Variants in EPC2 observed in about 807,000 individuals in gnomAD.
EPC2 encodes enhancer of polycomb homolog 2.
A neutral mutation model predicts 92.1 loss-of-function variants in EPC2; 14 were observed. The observed-to-expected ratio is 0.15, with a 90% CI of 0.10 to 0.24. The LOEUF is 0.24. EPC2 is among the 10% of genes least tolerant of loss of function. The pLI is 1.00. For synonymous variants in EPC2, 340 were observed against 334.7 expected, an observed-to-expected ratio of 1.02 and a Z score of -0.17; for missense variants, 755 against 971.5, an observed-to-expected ratio of 0.78 and a Z score of 2.96.
rs969387388 is a variant in EPC2, at chr2:148,734,152, C to T, written c.314-9470C>T. On this transcript the variant is annotated intron_variant, in intron 2 of 13. Coordinates refer to ENST00000258484, the MANE Select transcript of EPC2 (RefSeq NM_015630.4). ...TCACAGAATAATAGAAAAAATTATT[C>T]CTACATGTAACCATGGTTGGATACA... Among the ~76,000 whole-genome samples the T allele has an allele frequency of 3.9e-5, 6 of 152,044 alleles. No homozygotes were observed. In the South Asian group the frequency reaches 1.2e-3, roughly 32 times the overall value.
intron 1 of EPC2, among the ~76,000 whole-genome samples, chr2:148,652,773 G>A (rs1680714118): frequency 6.6e-6 from 1 of 152,162 alleles, no homozygotes; most frequent in African/African-American, 2.4e-5. Context: ...GTTCTTTTAT[G>A]AGGATCGATT....
At chr2:148,706,206 C>A (rs558792131) in intron 2 of EPC2, among the ~76,000 whole-genome samples, 49 of 152,224 alleles carry the variant, frequency 3.2e-4, no homozygotes, top group African/African-American at 1.2e-3. Context: ...GTGATGCATT[C>A]ATAAGCTTCA....
intron 1 of EPC2, among the ~76,000 whole-genome samples, chr2:148,680,467 C>A (rs1348005221): frequency 1.3e-5 from 2 of 152,126 alleles, no homozygotes; most frequent in African/African-American, 4.8e-5. Context: ...TTAATTCATG[C>A]ATTGTAGCAT....
Position 148,743,629 on chromosome 2 carries a change from T to C in EPC2, c.321T>C (p.Asn107=). 1 of 1,566,594 alleles carries C rather than the reference T, an allele frequency of 6.4e-7. No homozygotes were observed. The highest frequency in any genetic ancestry group is 8.6e-7 in the Non-Finnish European group (1 of 1,162,622). ...PKQFIHIQPF[N]LDNEQPDYDM... ...TTTTTCTTTCTTTTCTAGCTTTTAATCTAGACAACGAGCAACCAGATTATG... is the reference window on the plus strand; with the variant it reads ...TTTTTCTTTCTTTTCTAGCTTTTAACCTAGACAACGAGCAACCAGATTATG... Residue 107 remains asparagine, a synonymous_variant, in exon 3 of 14, where the codon AAT becomes AAC. Coordinates refer to ENST00000258484, the MANE Select transcript of EPC2 (RefSeq NM_015630.4).
intron 1 of EPC2, among the ~76,000 whole-genome samples, chr2:148,658,193 C>A (rs1354372689): frequency 6.6e-6 from 1 of 152,040 alleles, no homozygotes; most frequent in African/African-American, 2.4e-5. Context: ...GAACTCACAG[C>A]CGGCAGCATT....
chr2:148,738,351 TG>T (rs1682810052), intron 2 of EPC2, among the ~76,000 whole-genome samples: 2 of 152,212 alleles, frequency 1.3e-5, no homozygotes, highest in African/African-American at 4.8e-5. Context: ...CTGTCAAACA[TG>T]GCTGAGGAGA....
chr2:148,655,508 T>C (rs17838525), intron 1 of EPC2, among the ~76,000 whole-genome samples: 21,363 of 152,266 alleles, frequency 0.14, 2,442 homozygotes, highest in East Asian at 0.46. Flanking sequence ...TAATGATAAA[T>C]ATAAACGGTA....
chr2:148,680,075 C>A (rs1333922645), intron 1 of EPC2, among the ~76,000 whole-genome samples: 1 of 148,824 alleles, frequency 6.7e-6, no homozygotes, highest in Non-Finnish European at 1.5e-5. Flanking sequence ...ACTGGAAGCC[C>A]TTTTCTCAAG....
intron 1 of EPC2, among the ~76,000 whole-genome samples, chr2:148,649,924 C>G (rs181393053): frequency 2.6e-4 from 40 of 152,208 alleles, no homozygotes; most frequent in Non-Finnish European, 4.4e-4. Flanking sequence ...TTAATTTGGT[C>G]TGACTTTTGC....
Position 148,702,823 on chromosome 2 carries a change from A to AT in EPC2, c.313+12462dup, listed in dbSNP as rs11365316. Among the ~76,000 whole-genome samples, 866 of 148,008 alleles carry AT rather than the reference A, an allele frequency of 5.9e-3. 8 individuals are homozygous for AT. The highest frequency in any genetic ancestry group is 0.018 in the African/African-American group (726 of 40,414). On this transcript the variant is annotated intron_variant, in intron 2 of 13. Coordinates refer to ENST00000258484, the MANE Select transcript of EPC2 (RefSeq NM_015630.4). ...GTAAACTTTCTTAAAACACTATGAG[A>AT]TTTTTTTTTTTTGCCATTTTTTCTT... is the stretch of plus-strand genomic sequence containing the variant.
Position 148,733,169 on chromosome 2 carries a change from A to G in EPC2, c.314-10453A>G, listed in dbSNP as rs529822270. On this transcript the variant is annotated intron_variant, in intron 2 of 13. Transcript: ENST00000258484. ...GTATCTCTTGATAATATCACATAAG[A>G]TTGTTTTCTCTGTATATGGATGATG... Among the ~76,000 whole-genome samples the G allele has an allele frequency of 2.0e-5, 3 of 151,828 alleles. No homozygotes were observed. The South Asian group carries it at 6.3e-4, about 32-fold the overall frequency.
chr2:148,690,509 T>A, intron 2 of EPC2, 136 bp downstream of exon 2: 5 of 793,662 alleles, frequency 6.3e-6, no homozygotes, highest in Non-Finnish European at 9.5e-6. Flanking sequence ...CATTAAAGAA[T>A]AAAATCCCTC....
At chr2:148,755,104 ACTCT>A (rs1180233119) in intron 4 of EPC2, among the ~76,000 whole-genome samples, 1 of 151,876 alleles carries the variant, frequency 6.6e-6, no homozygotes, top group Non-Finnish European at 1.5e-5. Flanking sequence ...TTTAGGAAAA[ACTCT>A]CTTCCTGGTT....
At chr2:148,753,010 C>T (rs1215481247) in intron 3 of EPC2, among the ~76,000 whole-genome samples, 1 of 152,178 alleles carries the variant, frequency 6.6e-6, no homozygotes, top group African/African-American at 2.4e-5. Flanking sequence ...AGCATCACTT[C>T]AGGGAGACTT....
chr2:148,662,561 G>A (rs143254506), intron 1 of EPC2, among the ~76,000 whole-genome samples: 5,796 of 151,940 alleles, frequency 0.038, 150 homozygotes, highest in Middle Eastern at 0.054. Context: ...GCAAACTATC[G>A]CAAGGACAAA....
chr2:148,660,284 C>A (rs1035216455), intron 1 of EPC2, among the ~76,000 whole-genome samples: 21 of 152,062 alleles, frequency 1.4e-4, no homozygotes, highest in African/African-American at 4.8e-4. Context: ...TCCTTTTGAG[C>A]CATCACTTCA....
chr2:148,785,828 T>C (rs1342723733), intron 13 of EPC2, among the ~76,000 whole-genome samples: 1 of 152,180 alleles, frequency 6.6e-6, no homozygotes, highest in African/African-American at 2.4e-5. Flanking sequence ...ATGACACTAA[T>C]ACAAGGAGAA....
intron 2 of EPC2, among the ~76,000 whole-genome samples, chr2:148,724,061 G>A (rs2105392826): frequency 6.6e-6 from 1 of 152,152 alleles, no homozygotes. Flanking sequence ...TGGTTTTAAA[G>A]AAGTTTTTGA....
Position 148,786,693 on chromosome 2 carries a change from A to G in EPC2, c.*316A>G, listed in dbSNP as rs1301363809. On this transcript the variant is annotated 3_prime_UTR_variant, in exon 14 of 14. Coordinates refer to ENST00000258484, the MANE Select transcript of EPC2 (RefSeq NM_015630.4). ...ATTCTTTAATGGGATCATGAGCATG[A>G]AATGGGATCCTGCATCACTTGTTTT... The G allele has an allele frequency of 2.1e-5, 4 of 189,592 alleles. No individual in the cohort carries two copies. The highest frequency in any genetic ancestry group is 4.3e-5 in the Non-Finnish European group (4 of 92,442). The allele number at this position is 189,592 out of a possible 1,614,324, so 11.7% of individuals were successfully genotyped here.
Sources: allele counts gnomAD v4.1 joint callset (sites outside exome capture counted in the v4.1 genomes callset), GRCh38; gene constraint gnomAD v4.1.1; transcripts MANE v1.5; gene names NCBI Gene and HGNC (gene_info 2026-07-23, HGNC 2026-07-21).